Variants in LOXL1 observed in about 807,000 individuals in gnomAD.
LOXL1 encodes the protein lysyl oxidase like 1.
In LOXL1, 31 loss-of-function variants were observed where a neutral mutation model predicts 62.2. That is an observed-to-expected ratio of 0.50 (90% CI 0.37 to 0.67). LOXL1 has a LOEUF of 0.67. LOXL1 is among the 30% of genes least tolerant of loss of function. The pLI is 0.00. For synonymous variants in LOXL1, 403 were observed against 384.4 expected (o/e 1.05, Z -0.56); for missense variants, 775 against 843.4 (o/e 0.92, Z 1.00).
rs2068741724 is a variant in LOXL1, at chr15:73,945,542, AG to A, written c.1212-872del. Among the ~76,000 whole-genome samples, 2 of 152,162 alleles carry A rather than the reference AG, an allele frequency of 1.3e-5. No homozygotes were observed. ...AAAATAGGCTTTGAAGCAGGAACCC[AG>A]GGTGTGTGGGGGAGTGGAAGGGCAG... is the stretch of plus-strand genomic sequence containing the variant. On this transcript the variant is annotated intron_variant, in intron 2 of 6. Coordinates refer to ENST00000261921, the MANE Select transcript of LOXL1 (RefSeq NM_005576.4). The surrounding 1 kb of genome is among the most constrained non-coding windows in gnomAD (Gnocchi z 4.3).
chr15:73,934,672 A>C (rs78246124), intron 1 of LOXL1, among the ~76,000 whole-genome samples: 1,702 of 152,332 alleles, frequency 0.011, 13 homozygotes, highest in Middle Eastern at 0.044. Flanking sequence ...ACCGTTCTAG[A>C]GCTGGGTATT....
At position 73,945,673 on chromosome 15, in the gene LOXL1, C is replaced by A. The variant is rs1240000538; in HGVS notation, c.1212-744C>A. ...CTTTGGTCAACAATTAGGGCTCTGT[C>A]TTGTTGTCAGAGACTTATCAGAATC... On this transcript the variant is annotated intron_variant, in intron 2 of 6. Coordinates refer to ENST00000261921, the MANE Select transcript of LOXL1 (RefSeq NM_005576.4). The surrounding 1 kb of genome is among the most constrained non-coding windows in gnomAD (Gnocchi z 4.3). 6.6e-6 allele frequency among the ~76,000 whole-genome samples: 1 copy of A among 151,960 alleles called. No individual in the cohort carries two copies. The highest frequency in any genetic ancestry group is 1.5e-5 in the Non-Finnish European group (1 of 67,992).
intron 1 of LOXL1, among the ~76,000 whole-genome samples, chr15:73,942,546 C>T (rs1238090090): frequency 1.3e-5 from 2 of 152,028 alleles, no homozygotes; most frequent in African/African-American, 4.8e-5. Flanking sequence ...GCCGTGGACA[C>T]CCTTTCCCGC....
chr15:73,932,787 A>G (rs1001673431), intron 1 of LOXL1, among the ~76,000 whole-genome samples: 3 of 152,252 alleles, frequency 2.0e-5, no homozygotes, highest in African/African-American at 4.8e-5. Context: ...AGGCAGAATC[A>G]CAGATCAGCA....
At chr15:73,946,383 C>CCAACCCCCCCCAA in intron 2 of LOXL1, 34 bp from the exon 3 acceptor site, 1 of 1,498,956 alleles carries the variant, frequency 6.7e-7, no homozygotes, top group South Asian at 1.1e-5. Context: ...CACTGTGCCC[C>CCAACCCCCCCCAA]AACCCCCCCT....
chr15:73,951,283 G>A (rs886181950), intron 6 of LOXL1, among the ~76,000 whole-genome samples: 5 of 152,178 alleles, frequency 3.3e-5, no homozygotes, highest in Admixed American at 6.5e-5. Context: ...CCAGCTCCCC[G>A]GGGGCCTGTG....
chr15:73,932,866 AAAGCTGTGTCGGATCAGAC>A (rs1184016119), intron 1 of LOXL1, among the ~76,000 whole-genome samples: 20 of 152,220 alleles, frequency 1.3e-4, no homozygotes, highest in Admixed American at 1.3e-3. Flanking sequence ...TCAGGCTTAG[AAAGCTGTGTCGGATCAGAC>A]AAGCTGTGGA....
chr15:73,927,136 C>A lies in LOXL1; in HGVS notation c.353C>A (p.Pro118Gln). 1 of 1,450,374 alleles carries A rather than the reference C, an allele frequency of 6.9e-7. No homozygotes were observed. The highest frequency in any genetic ancestry group is 9.1e-7 in the Non-Finnish European group (1 of 1,096,574). The allele number at this position is 1,450,374 out of a possible 1,614,324, so 89.8% of individuals were successfully genotyped here. A position where few individuals can be genotyped will look rare whatever the true frequency, so the allele number is the denominator to read the frequency against. ...ACCGTGCGCGGCCAGGCGCGGCACC[C>A]ATTCGGCTTTGGCCAGGTGCCCGAC... ...SDTVRGQARH[P>Q]FGFGQVPDNW... Residue 118 changes from proline (P) to glutamine (Q), a missense_variant, in exon 1 of 7, where the codon CCA (proline) becomes CAA (glutamine). Transcript: ENST00000261921.
At chr15:73,935,603 G>T (rs1205577760) in intron 1 of LOXL1, among the ~76,000 whole-genome samples, 1 of 152,190 alleles carries the variant, frequency 6.6e-6, no homozygotes, top group African/African-American at 2.4e-5. Context: ...GGGCTCAGGG[G>T]CAGGGGTTGG....
intron 1 of LOXL1, among the ~76,000 whole-genome samples, chr15:73,929,566 A>C (rs544379472): frequency 6.6e-6 from 1 of 152,292 alleles, no homozygotes; most frequent in South Asian, 2.1e-4. Context: ...GCTGAATCCC[A>C]CTTTAAGAAC....
Position 73,939,607 on chromosome 15 carries a change from C to A in LOXL1, c.1103-3247C>A, listed in dbSNP as rs570470511. Among the ~76,000 whole-genome samples the A allele has an allele frequency of 3.9e-5, 6 of 152,166 alleles. No homozygotes were observed. In the South Asian group the frequency reaches 1.0e-3, roughly 26 times the overall value. ...CAGTGGCTGCCTGGGGTGGCGGAGG[C>A]GGGGAGAGGACTTACAGGGAAGGGG... On this transcript the variant is annotated intron_variant, in intron 1 of 6. Transcript: ENST00000261921.
In LOXL1 at chr15:73,927,396, T is replaced by C. The variant is rs1416807822; in HGVS notation, c.613T>C (p.Tyr205His). ...GACCTACGACCAGGGTTTCGTGTAC[T>C]ACCGGCCCGCGGGCGGCGGCGTGGG... ...SRTYDQGFVY[Y>H]RPAGGGVGAG... Residue 205 changes from tyrosine (Y) to histidine (H), a missense_variant, in exon 1 of 7, where the codon TAC (tyrosine) becomes CAC (histidine). By Grantham distance (83) the Tyr-to-His change is moderately conservative. Coordinates refer to ENST00000261921, the MANE Select transcript of LOXL1 (RefSeq NM_005576.4). The C allele has an allele frequency of 1.3e-6, 2 of 1,556,396 alleles. No individual in the cohort carries two copies. The highest frequency in any genetic ancestry group is 1.9e-5 in the Admixed American group (1 of 52,614).
In LOXL1 at chr15:73,930,613, C is replaced by G. The variant is rs556369609; in HGVS notation, c.1102+2728C>G. On this transcript the variant is annotated intron_variant, in intron 1 of 6. Coordinates refer to ENST00000261921, the MANE Select transcript of LOXL1 (RefSeq NM_005576.4). The surrounding 1 kb of genome is among the most constrained non-coding windows in gnomAD (Gnocchi z 4.7). The stretch of plus-strand genomic sequence containing the variant: ...ACACACCCAGGGGTCTGAGGCTGGG[C>G]GCTGGCAGCCTGTGAGTGTGTGTGG... 6.6e-6 allele frequency among the ~76,000 whole-genome samples: 1 copy of G among 152,158 alleles called. No homozygotes were observed. The highest frequency in any genetic ancestry group is 6.5e-5 in the Admixed American group (1 of 15,286).
rs947873321 is a variant in LOXL1, at chr15:73,926,646, A to G, written c.-138A>G. 2 of 1,037,666 alleles carry G rather than the reference A, an allele frequency of 1.9e-6. No homozygotes were observed. The highest frequency in any genetic ancestry group is 2.6e-6 in the Non-Finnish European group (2 of 778,788). 64.3% of individuals were successfully genotyped at this position (1,037,666 alleles called of 1,614,324 possible). A position where few individuals can be genotyped will look rare whatever the true frequency, so the allele number is the denominator to read the frequency against. ...CATCGGAGGAGCCGTCCCGCTCGGG[A>G]CAAGGCCAGCATGGACAAAGCTAGA... On this transcript the variant is annotated 5_prime_UTR_variant, in exon 1 of 7. Coordinates refer to ENST00000261921, the MANE Select transcript of LOXL1 (RefSeq NM_005576.4).
At position 73,926,796 on chromosome 15, in the gene LOXL1, C is replaced by G. The variant is rs2068580814; in HGVS notation, c.13C>G (p.Arg5Gly). The G allele has an allele frequency of 2.7e-6, 4 of 1,472,102 alleles. No homozygotes were observed. Among genetic ancestry groups the G allele is most frequent in the Non-Finnish European group, 3.6e-6 (4 of 1,110,650 alleles). 91.2% of individuals were successfully genotyped at this position (1,472,102 alleles called of 1,614,324 possible). Reference protein sequence around the residue: MALARGSRQLGALVW... With the variant: MALAGGSRQLGALVW... ...CAGAGGGGTCACCATGGCTCTGGCCCGAGGCAGCCGGCAGCTGGGGGCCCT... is the reference window on the plus strand; with the variant it reads ...CAGAGGGGTCACCATGGCTCTGGCCGGAGGCAGCCGGCAGCTGGGGGCCCT... Residue 5 changes from arginine to glycine, a missense_variant, in exon 1 of 7, where the codon CGA becomes GGA. Arg to Gly is a moderately radical substitution (Grantham distance 125, BLOSUM62 -2). Coordinates refer to ENST00000261921, the MANE Select transcript of LOXL1 (RefSeq NM_005576.4).
intron 2 of LOXL1, 70 bp downstream of exon 2, chr15:73,943,032 T>A (rs531370448): frequency 4.0e-6 from 5 of 1,241,260 alleles, no homozygotes; most frequent in Non-Finnish European, 5.9e-6. Flanking sequence ...CCAGCCTAGC[T>A]GTGGCTGCCA....
rs942287381 is a variant in LOXL1 at position 73,945,921 on chromosome 15, A to T, written c.1212-496A>T. ...AATTAAATTAATTTTTTAAATTTTA[A>T]TTTCTCACTATGTTGCCCAGGCTGG... On this transcript the variant is annotated intron_variant, in intron 2 of 6. Transcript: ENST00000261921. This position sits in a 1 kb window ranked among gnomAD's most constrained non-coding sequence, Gnocchi z 4.3. Among the ~76,000 whole-genome samples, 1 of 152,100 alleles carries T rather than the reference A, an allele frequency of 6.6e-6. No individual in the cohort carries two copies. The highest frequency in any genetic ancestry group is 2.4e-5 in the African/African-American group (1 of 41,406).
At chr15:73,944,671 G>A (rs1447974269) in intron 2 of LOXL1, among the ~76,000 whole-genome samples, 2 of 152,336 alleles carry the variant, frequency 1.3e-5, no homozygotes, top group African/African-American at 2.4e-5. Flanking sequence ...AGAAGAAAAG[G>A]GACCAATTCC....
chr15:73,941,964 G>T, intron 1 of LOXL1: 1 of 293,202 alleles, frequency 3.4e-6, no homozygotes, highest in Non-Finnish European at 7.5e-6. Context: ...CACATCCTGG[G>T]GAACAAGGGA....
Sources: gnomAD v4.1 joint callset for allele counts (sites outside exome capture counted in the v4.1 genomes callset) on GRCh38, gnomAD v4.1.1 for gene constraint, Gnocchi (gnomAD v3.1) non-coding constraint, MANE v1.5 for transcripts, NCBI Gene and HGNC (gene_info 2026-07-23, HGNC 2026-07-21) for gene names.